The following CGNL1 variants were observed in gnomAD, a reference collection of about 807,000 sequenced individuals.
The protein encoded by CGNL1 is cingulin-like protein 1.
A neutral mutation model predicts 141.2 loss-of-function variants in CGNL1; 132 were observed. That is an observed-to-expected ratio of 0.93 (90% confidence interval 0.81 to 1.08). The LOEUF (loss-of-function observed/expected upper bound fraction) is 1.08. Among genes scored for constraint, CGNL1 ranks in the 50% least tolerant of loss-of-function variants. The probability of loss-of-function intolerance (pLI) is 0.00; values close to 1 mark genes in which losing one functional copy is unlikely to be tolerated. For missense variants in CGNL1, 1,870 were observed against 1,588.6 expected, an observed-to-expected ratio of 1.18 and a Z score of -3.01; for synonymous variants, 690 against 622.1, an observed-to-expected ratio of 1.11 and a Z score of -1.63.
At chr15:57,524,293 C>T (rs2031467490) in intron 11 of CGNL1, among the ~76,000 whole-genome samples, 2 of 152,144 alleles carry the variant, frequency 1.3e-5, no homozygotes, top group South Asian at 4.1e-4. Flanking sequence ...TGGCCAGGGC[C>T]CAGAGAGGTT....
At position 57,439,451 on chromosome 15, in the gene CGNL1, GC is replaced by G. The variant is rs759962123; in HGVS notation, c.1455del (p.Ser486ProfsTer12). On this transcript the variant is annotated frameshift_variant, in exon 2 of 19. Transcript: ENST00000281282. LOFTEE classifies it high-confidence loss of function. ...GSQESTVIRA[P>X]SLGAQSKKEE... ...GTCAGGAAAGTACAGTGATCCGTGC[GC>G]CCTCCCTTGGTGCACAGAGTAAAAA... The G allele has an allele frequency of 5.0e-5, 80 of 1,614,068 alleles. No homozygotes were observed. The Admixed American group carries it at 1.1e-3, about 23-fold the overall frequency.
rs1385611112 is a variant in CGNL1, at chr15:57,376,517, G to T, written c.-66G>T. ...CGCCGCGGCCCTTGCACTCCGGCCG[G>T]GCTCTGCTGGCTGCGGCGGGAGCTG... On this transcript the variant is annotated 5_prime_UTR_variant, in exon 1 of 19. Transcript: ENST00000281282. The T allele has an allele frequency of 4.6e-5, 7 of 152,308 alleles. No homozygotes were observed. The highest frequency in any genetic ancestry group is 3.9e-4 in the Admixed American group (6 of 15,194). 9.4% of individuals were successfully genotyped at this position (152,308 alleles called of 1,614,324 possible). A position where few individuals can be genotyped will look rare whatever the true frequency, so the allele number is the denominator to read the frequency against.
chr15:57,529,036 T>A, intron 13 of CGNL1: 1 of 457,632 alleles, frequency 2.2e-6, no homozygotes, highest in South Asian at 3.4e-5. Flanking sequence ...TATAAATTAG[T>A]CTAACATTCT....
rs376604308 is a variant in CGNL1 at position 57,546,959 on chromosome 15, T to C, written c.3774-396T>C. Among the ~76,000 whole-genome samples, 4 of 152,218 alleles carry C rather than the reference T, an allele frequency of 2.6e-5. No homozygotes were observed. In the East Asian group the frequency reaches 5.8e-4, roughly 22 times the overall value. On this transcript the variant is annotated intron_variant, in intron 18 of 18. Coordinates refer to ENST00000281282, the MANE Select transcript of CGNL1 (RefSeq NM_032866.5). ...ACTGGCCCCAAGGTTGGCATTAGGG[T>C]GCAGCATTTAAGAGGGCACCAAAAA...
At chr15:57,489,743 G>A (rs1276032783) in intron 8 of CGNL1, among the ~76,000 whole-genome samples, 4 of 152,182 alleles carry the variant, frequency 2.6e-5, no homozygotes, top group Admixed American at 2.0e-4. Context: ...TACCATTCAA[G>A]TGGTTTCCCA....
chr15:57,383,298 T>TTTTTTTTTTTTTTTTG (rs1555428834), intron 1 of CGNL1, among the ~76,000 whole-genome samples: 1 of 141,618 alleles, frequency 7.1e-6, no homozygotes, highest in Non-Finnish European at 1.5e-5. Flanking sequence ...CTTCCTTTTT[T>TTTTTTTTTTTTTTTTG]TTTTTTTGTT....
intron 1 of CGNL1, among the ~76,000 whole-genome samples, chr15:57,412,018 T>G (rs1377211797): frequency 6.6e-6 from 1 of 152,252 alleles, no homozygotes; most frequent in Non-Finnish European, 1.5e-5. Flanking sequence ...CGTTCAGAGC[T>G]TCTTGTTGTG....
At chr15:57,480,575 C>A (rs1318279404) in intron 8 of CGNL1, among the ~76,000 whole-genome samples, 1 of 152,204 alleles carries the variant, frequency 6.6e-6, no homozygotes, top group South Asian at 2.1e-4. Context: ...TAAAAAGTTA[C>A]AACCATCATT....
In CGNL1 at chr15:57,516,972, C is replaced by G. The variant is rs1422850945; in HGVS notation, c.2596C>G (p.Leu866Val). ...CGATGAAGCCAAGGCGAAGGAAACG[C>G]TGAAGAAGTACGAGGTGAGGCTCGC... ...KGDEAKAKET[L>V]KKYEGEIRQL... The change falls in exon 9 of 19, where the codon CTG becomes GTG. Residue 866 changes from leucine to valine, a missense_variant. Coordinates refer to ENST00000281282, the MANE Select transcript of CGNL1 (RefSeq NM_032866.5). The G allele has an allele frequency of 6.2e-7, 1 of 1,613,168 alleles. No homozygotes were observed. The highest frequency in any genetic ancestry group is 1.3e-5 in the African/African-American group (1 of 74,600).
chr15:57,524,556 C>A (rs1233647941), intron 11 of CGNL1, 25 bp from the exon 12 acceptor site: 2 of 1,603,250 alleles, frequency 1.2e-6, no homozygotes, highest in East Asian at 4.5e-5. Flanking sequence ...CCAGGGTGGG[C>A]TCACACCCGT....
intron 8 of CGNL1, among the ~76,000 whole-genome samples, chr15:57,510,223 G>T (rs1349174606): frequency 1.3e-5 from 2 of 152,136 alleles, no homozygotes; most frequent in Non-Finnish European, 2.9e-5. Context: ...AATAACAAGG[G>T]CTATGACGAG....
intron 1 of CGNL1, among the ~76,000 whole-genome samples, chr15:57,429,497 A>G (rs1946936821): frequency 6.6e-6 from 1 of 152,190 alleles, no homozygotes; most frequent in Non-Finnish European, 1.5e-5. Flanking sequence ...CGTAGAGGAA[A>G]CTGTAGCACA....
chr15:57,386,716 C>G (rs1355382262), intron 1 of CGNL1, among the ~76,000 whole-genome samples: 1 of 152,094 alleles, frequency 6.6e-6, no homozygotes, highest in African/African-American at 2.4e-5. Flanking sequence ...ACGATAACAC[C>G]CAGCTGAAGA....
chr15:57,400,332 C>T (rs1316991344), intron 1 of CGNL1, among the ~76,000 whole-genome samples: 1 of 152,170 alleles, frequency 6.6e-6, no homozygotes, highest in African/African-American at 2.4e-5. Flanking sequence ...GTTCTTCTGT[C>T]ACTTTCTGTA....
chr15:57,518,676 A>T (rs1292748557), intron 10 of CGNL1, among the ~76,000 whole-genome samples, 179 bp downstream of exon 10: 2 of 151,552 alleles, frequency 1.3e-5, no homozygotes, highest in African/African-American at 4.9e-5. Flanking sequence ...ACTGGGGGGG[A>T]TTTGGTAATG....
At chr15:57,409,685 A>T (rs2062764308) in intron 1 of CGNL1, among the ~76,000 whole-genome samples, 1 of 152,178 alleles carries the variant, frequency 6.6e-6, no homozygotes, top group Admixed American at 6.5e-5. Context: ...GAGTTGACTG[A>T]TGCCATGTTC....
In CGNL1 at chr15:57,516,767, G is replaced by A; in HGVS notation, c.2404-13G>A. 2 of 1,613,324 alleles carry A rather than the reference G, an allele frequency of 1.2e-6. No homozygotes were observed. The highest frequency in any genetic ancestry group is 1.7e-6 in the Non-Finnish European group (2 of 1,179,516). ...ATCAGTCTCCTTGTTCATTTGCTTT[G>A]TGTTTTTAACAGAATGTCGAGGTCT... On this transcript the variant is annotated splice_polypyrimidine_tract_variant and intron_variant, in intron 8 of 18. Coordinates refer to ENST00000281282, the MANE Select transcript of CGNL1 (RefSeq NM_032866.5).
chr15:57,482,657 C>T lies in CGNL1; in HGVS notation c.2403+20765C>T, dbSNP rs947209229. Among the ~76,000 whole-genome samples the T allele has an allele frequency of 2.0e-5, 3 of 152,176 alleles. No individual in the cohort carries two copies. In the East Asian group the frequency reaches 5.8e-4, roughly 29 times the overall value. Reference sequence around the variant, plus strand: ...ATTGACCTGTGTGTCTATCCCTCTACCAGTATCACATAGTTTTGATGACTG... The same window carrying T: ...ATTGACCTGTGTGTCTATCCCTCTATCAGTATCACATAGTTTTGATGACTG... On this transcript the variant is annotated intron_variant, in intron 8 of 18. Transcript: ENST00000281282.
intron 4 of CGNL1, among the ~76,000 whole-genome samples, chr15:57,450,826 C>G (rs2063313306): frequency 6.6e-6 from 1 of 152,150 alleles, no homozygotes; most frequent in South Asian, 2.1e-4. Flanking sequence ...GCTACTCTAT[C>G]ATGGCAAAAC....
Sources: gnomAD v4.1 joint callset for allele counts (sites outside exome capture counted in the v4.1 genomes callset) on GRCh38, gnomAD v4.1.1 for gene constraint, MANE v1.5 for transcripts, NCBI Gene and HGNC (gene_info 2026-07-23, HGNC 2026-07-21) for gene names.